RBFOX1: variants seen among roughly 807,000 people sequenced by gnomAD.
RBFOX1 encodes the protein RNA binding protein fox-1 homolog 1.
A neutral mutation model predicts 57.7 loss-of-function variants in RBFOX1; 8 were observed. The observed-to-expected ratio is 0.14, with a 90% confidence interval of 0.08 to 0.25. The LOEUF is 0.25. Among genes scored for constraint, RBFOX1 ranks in the 10% least tolerant of loss-of-function variants. The probability of loss-of-function intolerance (pLI) is 1.00; values close to 1 mark genes in which losing one functional copy is unlikely to be tolerated. For missense variants in RBFOX1, 611 were observed against 548.5 expected (o/e 1.11, Z -1.14); for synonymous variants, 326 against 222.4 (o/e 1.47, Z -4.15).
At chr16:7,512,221 T>C (rs2075285827) in intron 4 of RBFOX1, among the ~76,000 whole-genome samples, 1 of 152,200 alleles carries the variant, frequency 6.6e-6, no homozygotes, top group Non-Finnish European at 1.5e-5. Context: ...CTACATGAAG[T>C]TGGCTTCAGC....
At chr16:6,974,934 C>T (rs998906619) in intron 3 of RBFOX1, among the ~76,000 whole-genome samples, 8 of 152,128 alleles carry the variant, frequency 5.3e-5, no homozygotes, top group Non-Finnish European at 7.3e-5. Flanking sequence ...TCTTTTAAAA[C>T]ACTTTTTTAA....
intron 3 of RBFOX1, among the ~76,000 whole-genome samples, chr16:5,817,137 C>G (rs924008214): frequency 2.0e-5 from 3 of 152,168 alleles, no homozygotes; most frequent in African/African-American, 7.2e-5. Context: ...TAATCCAATT[C>G]AGCGTCGTCT....
At chr16:5,528,521 C>T (rs1175700182) in intron 2 of RBFOX1, among the ~76,000 whole-genome samples, 1 of 150,886 alleles carries the variant, frequency 6.6e-6, no homozygotes, top group Admixed American at 6.6e-5. Flanking sequence ...ATCTGTGGTC[C>T]TGCATATTCC....
At chr16:7,590,014 C>G (rs894942656) in intron 7 of RBFOX1, among the ~76,000 whole-genome samples, 10 of 151,406 alleles carry the variant, frequency 6.6e-5, no homozygotes, top group Admixed American at 4.0e-4. Context: ...ACCTAACATT[C>G]TAGCCCTTTA....
intron 3 of RBFOX1, among the ~76,000 whole-genome samples, chr16:6,850,969 T>C (rs977184407): frequency 2.6e-5 from 4 of 152,180 alleles, no homozygotes; most frequent in Non-Finnish European, 5.9e-5. Context: ...AGACTGTAAA[T>C]AGCCCGTATG....
intron 3 of RBFOX1, among the ~76,000 whole-genome samples, chr16:5,645,911 C>G (rs1179401619): frequency 6.6e-6 from 1 of 152,246 alleles, no homozygotes; most frequent in Non-Finnish European, 1.5e-5. Flanking sequence ...TCATAGCTCA[C>G]TGCAGCCTCA....
At chr16:5,852,351 T>C (rs1217567627) in intron 3 of RBFOX1, among the ~76,000 whole-genome samples, 1 of 151,526 alleles carries the variant, frequency 6.6e-6, no homozygotes, top group Non-Finnish European at 1.5e-5. Flanking sequence ...TGTCTAGAGG[T>C]GAGGGAAGGA....
chr16:6,648,621 C>G (rs1273307389), intron 2 of RBFOX1, among the ~76,000 whole-genome samples: 2 of 152,090 alleles, frequency 1.3e-5, no homozygotes, highest in Non-Finnish European at 2.9e-5. Flanking sequence ...TAGCATGCAT[C>G]GACGGGCCCT....
chr16:6,264,584 C>A (rs931033986), intron 1 of RBFOX1, among the ~76,000 whole-genome samples: 1 of 152,130 alleles, frequency 6.6e-6, no homozygotes, highest in African/African-American at 2.4e-5. Flanking sequence ...AGACCTCAGA[C>A]CCACCACATT....
At chr16:5,659,499 T>A (rs1202639964) in intron 3 of RBFOX1, among the ~76,000 whole-genome samples, 1 of 152,060 alleles carries the variant, frequency 6.6e-6, no homozygotes, top group Non-Finnish European at 1.5e-5. Flanking sequence ...GAGACGGGGT[T>A]TTACCATGTT....
At chr16:6,724,124 T>A (rs1416681171) in intron 3 of RBFOX1, among the ~76,000 whole-genome samples, 2 of 152,004 alleles carry the variant, frequency 1.3e-5, no homozygotes, top group Non-Finnish European at 2.9e-5. Context: ...ACTTCATGAA[T>A]GGGATTAGTG....
chr16:5,498,575 G>T (rs998570663), intron 2 of RBFOX1, among the ~76,000 whole-genome samples: 16 of 152,208 alleles, frequency 1.1e-4, no homozygotes, highest in Admixed American at 3.9e-4. Flanking sequence ...GGGTGTGCAT[G>T]GCACTGGGAA....
intron 1 of RBFOX1, among the ~76,000 whole-genome samples, chr16:6,031,140 G>T (rs1443776910): frequency 6.6e-6 from 1 of 152,206 alleles, no homozygotes; most frequent in Non-Finnish European, 1.5e-5. Flanking sequence ...TCCAAGGAGA[G>T]GTATTGGGCC....
chr16:6,425,688 C>G (rs1391291175), intron 2 of RBFOX1, among the ~76,000 whole-genome samples: 2 of 151,992 alleles, frequency 1.3e-5, no homozygotes, highest in Non-Finnish European at 2.9e-5. Flanking sequence ...TTTGTATTGC[C>G]TGGTTTATTC....
At chr16:7,531,790 A>G (rs139432682) in intron 5 of RBFOX1, among the ~76,000 whole-genome samples, 257 of 152,300 alleles carry the variant, frequency 1.7e-3, no homozygotes, top group African/African-American at 5.8e-3. Context: ...AACTATTTCA[A>G]TTATGATAAT....
At chr16:7,175,318 A>G (rs556065701) in intron 4 of RBFOX1, among the ~76,000 whole-genome samples, 1 of 152,178 alleles carries the variant, frequency 6.6e-6, no homozygotes, top group African/African-American at 2.4e-5. Context: ...CAATGAAATA[A>G]CCTTCTTCGC....
At chr16:6,197,198 T>G (rs1000628608) in intron 1 of RBFOX1, among the ~76,000 whole-genome samples, 3 of 152,174 alleles carry the variant, frequency 2.0e-5, no homozygotes, top group Admixed American at 6.5e-5. Context: ...CTTCTTCCTC[T>G]GCACCCTCCC....
chr16:7,085,967 G>A (rs1365227175), intron 4 of RBFOX1, among the ~76,000 whole-genome samples: 1 of 152,162 alleles, frequency 6.6e-6, no homozygotes, highest in African/African-American at 2.4e-5. Context: ...AGATTGGTCA[G>A]TGTATGTGCC....
intron 3 of RBFOX1, among the ~76,000 whole-genome samples, chr16:5,825,611 A>G (rs903123726): frequency 3.3e-5 from 5 of 152,312 alleles, no homozygotes; most frequent in Middle Eastern, 3.4e-3. Flanking sequence ...AAAGTGTACA[A>G]TGTAAGGACA....
Sources: allele counts gnomAD v4.1 joint callset (sites outside exome capture counted in the v4.1 genomes callset), GRCh38; gene constraint gnomAD v4.1.1; transcripts MANE v1.5; gene names NCBI Gene and HGNC (gene_info 2026-07-23, HGNC 2026-07-21).